LHPP: variants seen among roughly 807,000 people sequenced by gnomAD.
LHPP encodes the protein hLHPP.
A neutral mutation model predicts 30.3 loss-of-function variants in LHPP; 24 were observed. That is an observed-to-expected ratio of 0.79 (90% CI 0.57 to 1.11). The LOEUF (loss-of-function observed/expected upper bound fraction) is 1.11. LHPP is among the 50% of genes most tolerant of loss of function. The pLI, the probability that LHPP is intolerant of heterozygous loss-of-function variation, is 0.00. For missense variants in LHPP, 356 were observed against 367.2 expected, an observed-to-expected ratio of 0.97 and a Z score of 0.25; for synonymous variants, 150 against 157.1, an observed-to-expected ratio of 0.95 and a Z score of 0.34.
At position 124,565,707 on chromosome 10, in the gene LHPP, C is replaced by T. The variant is rs145590313; in HGVS notation, c.717-47557C>T. Among the ~76,000 whole-genome samples the T allele has an allele frequency of 5.9e-3, 892 of 152,348 alleles. 4 individuals are homozygous for T. The highest frequency in any genetic ancestry group is 9.2e-3 in the Non-Finnish European group (626 of 68,036). ...TCTTTTCTGGTATCACTTCTTGGCA[C>T]AGGCGGAAGAAGCCATGTTCCCATC... On this transcript the variant is annotated intron_variant, in intron 6 of 6. Coordinates refer to ENST00000368842, the MANE Select transcript of LHPP (RefSeq NM_022126.4).
intron 5 of LHPP, among the ~76,000 whole-genome samples, chr10:124,499,430 G>A (rs1953838341): frequency 6.6e-6 from 1 of 151,802 alleles, no homozygotes; most frequent in African/African-American, 2.4e-5. Flanking sequence ...GATCACTTGA[G>A]GTCAGGAGTT....
intron 1 of LHPP, among the ~76,000 whole-genome samples, chr10:124,469,309 C>T (rs942872424): frequency 3.3e-5 from 5 of 152,180 alleles, no homozygotes; most frequent in Non-Finnish European, 7.3e-5. Flanking sequence ...GGGCGACACA[C>T]TGTCACCATT....
At chr10:124,513,887 G>A (rs994845951) in intron 5 of LHPP, among the ~76,000 whole-genome samples, 2 of 151,958 alleles carry the variant, frequency 1.3e-5, no homozygotes, top group South Asian at 4.2e-4. Context: ...CCACACTGGC[G>A]AGGACTGTAT....
intron 6 of LHPP, among the ~76,000 whole-genome samples, chr10:124,571,942 G>C (rs72837376): frequency 1.3e-4 from 20 of 152,128 alleles, no homozygotes; most frequent in Non-Finnish European, 2.2e-4. Context: ...CAAGACCTAG[G>C]GGGGTGAGTG....
Position 124,613,324 on chromosome 10 carries a change from G to A in LHPP, c.777G>A (p.Glu259=), listed in dbSNP as rs752954218. Residue 259 remains glutamate (E), a synonymous_variant, in exon 7 of 7, where the codon GAG becomes GAA. Coordinates refer to ENST00000368842, the MANE Select transcript of LHPP (RefSeq NM_022126.4). The stretch of plus-strand genomic sequence containing the variant: ...ATGGGTACGTGGACAACCTCGCAGA[G>A]GCAGTGGACCTGCTGCTGCAGCACG... The part of the protein sequence containing the change: ...KADGYVDNLA[E]AVDLLLQHAD... 4 of 1,613,154 alleles carry A rather than the reference G, an allele frequency of 2.5e-6. No homozygotes were observed. The East Asian group carries it at 6.7e-5, about 27-fold the overall frequency.
chr10:124,551,382 C>T (rs1276478271), intron 6 of LHPP, among the ~76,000 whole-genome samples: 3 of 152,294 alleles, frequency 2.0e-5, no homozygotes, highest in Middle Eastern at 3.4e-3. Flanking sequence ...TTGGCACCCC[C>T]GGCCCTCACA....
chr10:124,574,564 C>T (rs939068554), intron 6 of LHPP, among the ~76,000 whole-genome samples: 2 of 152,148 alleles, frequency 1.3e-5, no homozygotes, highest in African/African-American at 4.8e-5. Context: ...AACCCGGCAC[C>T]TGTGCTGACC....
chr10:124,506,365 A>C (rs1954069433), intron 5 of LHPP, among the ~76,000 whole-genome samples: 1 of 148,768 alleles, frequency 6.7e-6, no homozygotes, highest in Admixed American at 6.9e-5. Context: ...GGTGCTAAAC[A>C]GCATCCCACT....
rs569877363 is a variant in LHPP, at chr10:124,553,849, G to A, written c.716+36578G>A. ...CTCCCCCGGGCCAGGCCCCTCCTCTGTCTGCAGAAGGAGGTAAGGGGCCCA... is the reference window on the plus strand; with the variant it reads ...CTCCCCCGGGCCAGGCCCCTCCTCTATCTGCAGAAGGAGGTAAGGGGCCCA... On this transcript the variant is annotated intron_variant, in intron 6 of 6. Coordinates refer to ENST00000368842, the MANE Select transcript of LHPP (RefSeq NM_022126.4). 9 of 977,222 alleles carry A rather than the reference G, an allele frequency of 9.2e-6. No individual in the cohort carries two copies. In the Admixed American group the frequency reaches 1.8e-4, roughly 20 times the overall value. The allele number at this position is 977,222 out of a possible 1,614,324, so 60.5% of individuals were successfully genotyped here. A position where few individuals can be genotyped will look rare whatever the true frequency, so the allele number is the denominator to read the frequency against.
chr10:124,528,227 C>T (rs1011310973), intron 6 of LHPP, among the ~76,000 whole-genome samples: 2 of 152,256 alleles, frequency 1.3e-5, no homozygotes, highest in Non-Finnish European at 2.9e-5. Flanking sequence ...TTGGTCTGTC[C>T]TGCTAGACCA....
At chr10:124,530,671 C>T (rs183764230) in intron 6 of LHPP, among the ~76,000 whole-genome samples, 342 of 152,352 alleles carry the variant, frequency 2.2e-3, no homozygotes, top group South Asian at 5.6e-3. Context: ...CCCTCTGCCT[C>T]TCGGGGCCCT....
At chr10:124,494,520 C>G (rs9422842) in intron 3 of LHPP, among the ~76,000 whole-genome samples, 13,523 of 152,198 alleles carry the variant, frequency 0.089, 1,472 homozygotes, top group African/African-American at 0.25. Flanking sequence ...CCTCCCTACC[C>G]ACCTCGATGC....
intron 1 of LHPP, among the ~76,000 whole-genome samples, chr10:124,476,259 C>T (rs1036371595): frequency 1.3e-5 from 2 of 152,202 alleles, no homozygotes; most frequent in African/African-American, 4.8e-5. Context: ...AAACTTTGGA[C>T]TCTGATGACT....
chr10:124,498,384 G>A (rs1449019411), intron 5 of LHPP: 2 of 1,552,612 alleles, frequency 1.3e-6, no homozygotes, highest in Non-Finnish European at 1.7e-6. Context: ...CTGAGTTTTT[G>A]CTGCTTCTCT....
At chr10:124,483,671 C>T (rs550295176) in intron 1 of LHPP, among the ~76,000 whole-genome samples, 23 of 152,216 alleles carry the variant, frequency 1.5e-4, no homozygotes, top group Non-Finnish European at 2.5e-4. Flanking sequence ...GCAGGAGAAT[C>T]GCTTGAATCT....
chr10:124,557,122 T>A (rs1179146768), intron 6 of LHPP, among the ~76,000 whole-genome samples: 1 of 152,176 alleles, frequency 6.6e-6, no homozygotes, highest in Non-Finnish European at 1.5e-5. Flanking sequence ...GGACCAGGGT[T>A]CAAATCCCCA....
intron 6 of LHPP, among the ~76,000 whole-genome samples, chr10:124,573,092 A>G (rs1475540672): frequency 1.3e-5 from 2 of 152,218 alleles, no homozygotes; most frequent in Non-Finnish European, 2.9e-5. Context: ...GTTTTTTGCT[A>G]CTTAAGCAGT....
At chr10:124,508,550 A>C (rs1311296798) in intron 5 of LHPP, among the ~76,000 whole-genome samples, 1 of 148,752 alleles carries the variant, frequency 6.7e-6, no homozygotes. Context: ...CTGAGACCTC[A>C]TGGCTTAGTT....
chr10:124,502,253 C>T (rs750439332), intron 5 of LHPP, among the ~76,000 whole-genome samples: 7 of 152,006 alleles, frequency 4.6e-5, no homozygotes, highest in African/African-American at 7.3e-5. Flanking sequence ...TCTGGGGACA[C>T]GTTGCATGTA....
Sources: allele counts gnomAD v4.1 joint callset (sites outside exome capture counted in the v4.1 genomes callset), GRCh38; gene constraint gnomAD v4.1.1; transcripts MANE v1.5; gene names NCBI Gene and HGNC (gene_info 2026-07-23, HGNC 2026-07-21).